Variants in NUDT2 observed in about 807,000 individuals in gnomAD.
NUDT2 encodes the protein nudix hydrolase 2.
NUDT2 carries 12 observed loss-of-function variants against 14.2 expected under a neutral mutation model. The ratio of observed to expected loss-of-function variants is 0.84; its 90% CI spans 0.54 to 1.37. NUDT2 has a LOEUF of 1.37. Ranked by LOEUF, NUDT2 falls within the 40% of genes most tolerant of loss-of-function variation. NUDT2 has a pLI of 0.00. For synonymous variants in NUDT2, 67 were observed against 67.4 expected (o/e 0.99, Z 0.03); for missense variants, 167 against 176.7 (o/e 0.95, Z 0.31).
At position 34,330,678 on chromosome 9, in the gene NUDT2, G is replaced by T. The variant is rs185572798; in HGVS notation, c.-265+1079G>T. Among the ~76,000 whole-genome samples the T allele has an allele frequency of 1.5e-4, 23 of 152,128 alleles. No individual in the cohort carries two copies. The East Asian group carries it at 4.4e-3, about 29-fold the overall frequency. Reference sequence around the variant, plus strand: ...AGTAGTAACTTCTTAAAAAATGGTAGCGGCCGGGCGCGGTGGCTCACGCCT... The same window carrying T: ...AGTAGTAACTTCTTAAAAAATGGTATCGGCCGGGCGCGGTGGCTCACGCCT... On this transcript the variant is annotated intron_variant, in intron 1 of 4. Transcript: ENST00000379158.
intron 2 of NUDT2, among the ~76,000 whole-genome samples, chr9:34,337,182 T>C (rs1247187753): frequency 6.6e-6 from 1 of 152,048 alleles, no homozygotes; most frequent in Non-Finnish European, 1.5e-5. Flanking sequence ...GTATTTTTAG[T>C]AGAGACGGGG....
chr9:34,343,646 G>C lies in NUDT2; in HGVS notation c.*206G>C. The C allele has an allele frequency of 1.9e-6, 1 of 539,918 alleles. No individual in the cohort carries two copies. Among genetic ancestry groups the C allele is most frequent in the Non-Finnish European group, 3.3e-6 (1 of 306,348 alleles). 33.4% of individuals were successfully genotyped at this position (539,918 alleles called of 1,614,324 possible). ...AGGCAAAAGAGTAAAAATTAAAAAG[G>C]CCAGGCCCAGTAAGTGTACCTTGTA... On this transcript the variant is annotated 3_prime_UTR_variant, in exon 5 of 5. Coordinates refer to ENST00000379158, the MANE Select transcript of NUDT2 (RefSeq NM_001161.5).
At chr9:34,332,207 A>G (rs996034461) in intron 1 of NUDT2, among the ~76,000 whole-genome samples, 3 of 152,212 alleles carry the variant, frequency 2.0e-5, no homozygotes, top group Non-Finnish European at 2.9e-5. Flanking sequence ...CTGTTTACCA[A>G]TGAGATGTCA....
At chr9:34,339,509 C>CT (rs754158865) in intron 4 of NUDT2, among the ~76,000 whole-genome samples, 6 of 152,170 alleles carry the variant, frequency 3.9e-5, no homozygotes, top group Non-Finnish European at 7.3e-5. Flanking sequence ...CACCTCTCAG[C>CT]TTTGAGTTTT....
chr9:34,338,327 T>TAAAAAAAA (rs61594121), intron 2 of NUDT2, among the ~76,000 whole-genome samples: 1,615 of 33,666 alleles, frequency 0.048, 244 homozygotes, highest in Middle Eastern at 0.075. Context: ...ACCCTGTCTC[T>TAAAAAAAA]AAAAAAAAAA....
intron 2 of NUDT2, among the ~76,000 whole-genome samples, chr9:34,338,263 T>C (rs1173222946): frequency 8.1e-6 from 1 of 124,034 alleles, no homozygotes; most frequent in African/African-American, 3.2e-5. Flanking sequence ...GAGGCTGAGG[T>C]AGGTGGATCA....
In NUDT2 at chr9:34,339,012, T is replaced by C; in HGVS notation, c.-16-12T>C. Reference sequence around the variant, plus strand: ...GTGTAACTTCCCAATATTCTGTATCTTCTTTGTTAAGTCCTTAGGATAAGA... The same window carrying C: ...GTGTAACTTCCCAATATTCTGTATCCTCTTTGTTAAGTCCTTAGGATAAGA... On this transcript the variant is annotated splice_polypyrimidine_tract_variant and intron_variant, in intron 3 of 4. Transcript: ENST00000379158. The C allele has an allele frequency of 6.3e-7, 1 of 1,597,576 alleles. No individual in the cohort carries two copies. Among genetic ancestry groups the C allele is most frequent in the Middle Eastern group, 1.7e-4 (1 of 6,002 alleles).
chr9:34,332,530 C>T (rs1255318533), intron 1 of NUDT2, among the ~76,000 whole-genome samples: 1 of 152,150 alleles, frequency 6.6e-6, no homozygotes, highest in Non-Finnish European at 1.5e-5. Flanking sequence ...GACAAATTCC[C>T]CGAGTTAGCT....
chr9:34,331,700 A>G (rs941965237), intron 1 of NUDT2, among the ~76,000 whole-genome samples: 2 of 152,242 alleles, frequency 1.3e-5, no homozygotes, highest in African/African-American at 4.8e-5. Context: ...ATAATTTTAA[A>G]AAAGTAAATT....
rs773750874 is a variant in NUDT2, at chr9:34,343,492, A to G, written c.*52A>G. On this transcript the variant is annotated 3_prime_UTR_variant, in exon 5 of 5. Transcript: ENST00000379158. ...CAGCAGGATCCTTGTGGGCCTTCTA[A>G]GATGAAGCCACCCTCAGGTCCAGGG... 1 of 1,449,976 alleles carries G rather than the reference A, an allele frequency of 6.9e-7. No homozygotes were observed. The highest frequency in any genetic ancestry group is 2.4e-5 in the Admixed American group (1 of 42,006). 89.8% of individuals were successfully genotyped at this position (1,449,976 alleles called of 1,614,324 possible).
chr9:34,331,511 A>T (rs909280069), intron 1 of NUDT2, among the ~76,000 whole-genome samples: 17 of 152,146 alleles, frequency 1.1e-4, no homozygotes, highest in African/African-American at 4.1e-4. Flanking sequence ...CTAAAGGAGG[A>T]TGAAAATGCT....
At chr9:34,333,249 G>T (rs778328837) in intron 1 of NUDT2, among the ~76,000 whole-genome samples, 9 of 151,912 alleles carry the variant, frequency 5.9e-5, no homozygotes, top group Non-Finnish European at 1.0e-4. Context: ...TAACATCTAC[G>T]GCCCTCTCCC....
intron 1 of NUDT2, among the ~76,000 whole-genome samples, chr9:34,333,048 C>G (rs1042109952): frequency 6.6e-6 from 1 of 152,110 alleles, no homozygotes; most frequent in Admixed American, 6.5e-5. Flanking sequence ...GGCTTTCCTC[C>G]TCATCTGGAG....
intron 1 of NUDT2, among the ~76,000 whole-genome samples, chr9:34,334,481 G>A (rs144718445): frequency 6.6e-6 from 1 of 152,276 alleles, no homozygotes; most frequent in Non-Finnish European, 1.5e-5. Context: ...GAGTCTGTGT[G>A]TGAAAGCTGG....
At position 34,333,408 on chromosome 9, in the gene NUDT2, C is replaced by T. The variant is rs146494949; in HGVS notation, c.-264-2821C>T. Among the ~76,000 whole-genome samples, 20 of 152,154 alleles carry T rather than the reference C, an allele frequency of 1.3e-4. No individual in the cohort carries two copies. The East Asian group carries it at 3.3e-3, about 25-fold the overall frequency. On this transcript the variant is annotated intron_variant, in intron 1 of 4. Coordinates refer to ENST00000379158, the MANE Select transcript of NUDT2 (RefSeq NM_001161.5). ...TTGGGAGGCCAAAGTGGGAAGGTCA[C>T]TTAAGGCCAGGAGTTCAAGACTAGC...
rs1301300893 is a variant in NUDT2, at chr9:34,338,776, G to A, written c.-88G>A. The A allele has an allele frequency of 2.2e-5, 6 of 276,812 alleles. No homozygotes were observed. The highest frequency in any genetic ancestry group is 6.4e-5 in the East Asian group (1 of 15,636). 17.1% of individuals were successfully genotyped at this position (276,812 alleles called of 1,614,324 possible). A position where few individuals can be genotyped will look rare whatever the true frequency, so the allele number is the denominator to read the frequency against. ...ACATGCCAGCCCTGTTTTACAGGGA[G>A]CCCTGGAGGAGTTGGGATAGAGGCC... is the stretch of plus-strand genomic sequence containing the variant. On this transcript the variant is annotated 5_prime_UTR_variant, in exon 3 of 5. Transcript: ENST00000379158.
At position 34,338,767 on chromosome 9, in the gene NUDT2, T is replaced by C. The variant is rs147053559; in HGVS notation, c.-97T>C. 42 of 257,490 alleles carry C rather than the reference T, an allele frequency of 1.6e-4. No individual in the cohort carries two copies. The highest frequency in any genetic ancestry group is 1.1e-3 in the Middle Eastern group (1 of 934). 16.0% of individuals were successfully genotyped at this position (257,490 alleles called of 1,614,324 possible). On this transcript the variant is annotated 5_prime_UTR_variant, in exon 3 of 5. Transcript: ENST00000379158. ...ACAACAAACACATGCCAGCCCTGTT[T>C]TACAGGGAGCCCTGGAGGAGTTGGG...
At position 34,343,240 on chromosome 9, in the gene NUDT2, T is replaced by TA. The variant is rs772292824; in HGVS notation, c.245dup (p.Tyr82Ter). 45 of 1,613,670 alleles carry TA rather than the reference T, an allele frequency of 2.8e-5. No individual in the cohort carries two copies. The highest frequency in any genetic ancestry group is 3.6e-5 in the Non-Finnish European group (43 of 1,179,992). The change falls in exon 5 of 5, where the codon TAT becomes TAAT. Residue 82 changes from tyrosine (Y) to a stop codon, truncating the protein, a stop_gained and frameshift_variant. Coordinates refer to ENST00000379158, the MANE Select transcript of NUDT2 (RefSeq NM_001161.5). LOFTEE classifies it high-confidence loss of function. ...IIEGFKRELN[Y>*]VARNKPKTVI... Reference sequence around the variant, plus strand: ...TGAGGGGTTCAAAAGGGAACTCAATTATGTGGCCAGGAACAAGCCTAAAAC... The same window carrying TA: ...TGAGGGGTTCAAAAGGGAACTCAATTAATGTGGCCAGGAACAAGCCTAAAAC...
Position 34,343,484 on chromosome 9 carries a change from G to T in NUDT2, c.*44G>T. 1.3e-6 allele frequency: 2 copies of T among 1,490,284 alleles called. No individual in the cohort carries two copies. Among genetic ancestry groups the T allele is most frequent in the Non-Finnish European group, 9.0e-7 (1 of 1,114,176 alleles). The allele number at this position is 1,490,284 out of a possible 1,614,324, so 92.3% of individuals were successfully genotyped here. ...ATTTGCTTCAGCAGGATCCTTGTGG[G>T]CCTTCTAAGATGAAGCCACCCTCAG... On this transcript the variant is annotated 3_prime_UTR_variant, in exon 5 of 5. Transcript: ENST00000379158.
Sources: allele counts gnomAD v4.1 joint callset (sites outside exome capture counted in the v4.1 genomes callset), GRCh38; gene constraint gnomAD v4.1.1; transcripts MANE v1.5; gene names NCBI Gene and HGNC (gene_info 2026-07-23, HGNC 2026-07-21).